Variants in SIK3 observed in about 807,000 individuals in gnomAD.
The protein encoded by SIK3 is serine/threonine-protein kinase SIK3.
Under a neutral mutation model 144.2 loss-of-function variants are expected in SIK3, and 28 were observed. That is an observed-to-expected ratio of 0.19 (90% CI 0.14 to 0.27). The LOEUF is 0.27. SIK3 is among the 10% of genes least tolerant of loss of function. The probability of loss-of-function intolerance (pLI) is 1.00; values close to 1 mark genes in which losing one functional copy is unlikely to be tolerated. For missense variants in SIK3, 1,319 were observed against 1,776.0 expected (o/e 0.74, Z 4.62); for synonymous variants, 686 against 676.3 (o/e 1.01, Z -0.22).
chr11:116,927,478 G>T (rs191938623), intron 3 of SIK3, 98 bp from the exon 4 acceptor site: 2 of 1,133,630 alleles, frequency 1.8e-6, no homozygotes, highest in African/African-American at 1.6e-5. Flanking sequence ...TCTCGAGTGA[G>T]TTAAAGAGGC....
chr11:117,089,803 C>A (rs1955165788), intron 1 of SIK3, among the ~76,000 whole-genome samples: 1 of 152,212 alleles, frequency 6.6e-6, no homozygotes, highest in South Asian at 2.1e-4. Context: ...CCCACACAGA[C>A]AAGCTTCAAC....
chr11:116,957,017 C>T lies in SIK3; in HGVS notation c.321G>A (p.Leu107=). ...TTTGAACTTCCCGGAAAATCTTCTT[C>T]AAGTTTTCTTCATCCAGCTGGGTCT... ...IDKTQLDEEN[L]KKIFREVQIM... is the part of the protein sequence containing the mutation. The change falls in exon 2 of 25, where the codon TTG becomes TTA. Residue 107 remains leucine (L), a synonymous_variant. Coordinates refer to ENST00000445177, the MANE Select transcript of SIK3 (RefSeq NM_001366686.3). The T allele has an allele frequency of 6.2e-6, 10 of 1,611,244 alleles. No homozygotes were observed. The highest frequency in any genetic ancestry group is 1.7e-5 in the Admixed American group (1 of 59,094).
chr11:117,030,937 C>G (rs1005491324), intron 1 of SIK3, among the ~76,000 whole-genome samples: 1 of 152,216 alleles, frequency 6.6e-6, no homozygotes, highest in Non-Finnish European at 1.5e-5. Context: ...GGGTTACATG[C>G]CATCTGTATA....
At chr11:116,986,537 T>C (rs1461019688) in intron 1 of SIK3, among the ~76,000 whole-genome samples, 1 of 152,222 alleles carries the variant, frequency 6.6e-6, no homozygotes, top group Non-Finnish European at 1.5e-5. Context: ...GACTTAGCTT[T>C]GAGCTTAACA....
chr11:116,937,067 C>T (rs1947957683), intron 3 of SIK3, among the ~76,000 whole-genome samples: 1 of 152,206 alleles, frequency 6.6e-6, no homozygotes, highest in Non-Finnish European at 1.5e-5. Flanking sequence ...GCCTCTATGA[C>T]ATCAGCAAAC....
At chr11:116,967,132 T>A (rs1949586961) in intron 1 of SIK3, among the ~76,000 whole-genome samples, 1 of 152,054 alleles carries the variant, frequency 6.6e-6, no homozygotes, top group South Asian at 2.1e-4. Context: ...AAAAGCTGAA[T>A]AAATTTTAAG....
chr11:117,004,635 A>T (rs1469899762), intron 1 of SIK3, among the ~76,000 whole-genome samples: 1 of 152,240 alleles, frequency 6.6e-6, no homozygotes, highest in African/African-American at 2.4e-5. Flanking sequence ...AGGAAATAAC[A>T]TAGAGGCACT....
At chr11:116,979,611 C>T (rs2135505384) in intron 1 of SIK3, among the ~76,000 whole-genome samples, 1 of 152,210 alleles carries the variant, frequency 6.6e-6, no homozygotes, top group South Asian at 2.1e-4. Flanking sequence ...CTGTGGGAGG[C>T]CAAGGTGGGC....
chr11:116,858,039 G>A lies in SIK3; in HGVS notation c.3426C>T (p.Ser1142=), dbSNP rs1366019063. The A allele has an allele frequency of 1.2e-6, 2 of 1,613,714 alleles. No homozygotes were observed. Among genetic ancestry groups the A allele is most frequent in the African/African-American group, 2.7e-5 (2 of 74,936 alleles). The change falls in exon 21 of 25, where the codon AGC becomes AGT. Residue 1142 remains serine (S), a synonymous_variant. Transcript: ENST00000445177. This position sits in a 1 kb window ranked among gnomAD's most constrained non-coding sequence, Gnocchi z 5.4. ...AHQPALMHSE[S]MEEDCSCEGA... The stretch of plus-strand genomic sequence containing the variant: ...CCTCACACGAGCAGTCCTCCTCCAT[G>A]CTCTCTGAATGCATCAGTGCCGGCT...
At chr11:117,059,473 T>C (rs1479003914) in intron 1 of SIK3, among the ~76,000 whole-genome samples, 2 of 152,198 alleles carry the variant, frequency 1.3e-5, no homozygotes, top group Non-Finnish European at 1.5e-5. Context: ...CAAAAGCTCT[T>C]AGAGAGACAA....
chr11:117,089,434 T>C (rs1010106040), intron 1 of SIK3, among the ~76,000 whole-genome samples: 6 of 151,114 alleles, frequency 4.0e-5, no homozygotes, highest in Admixed American at 1.3e-4. Flanking sequence ...ACTAAGAAAC[T>C]GTGTGACTCA....
At chr11:116,999,108 A>T (rs1950767270) in intron 1 of SIK3, among the ~76,000 whole-genome samples, 1 of 152,234 alleles carries the variant, frequency 6.6e-6, no homozygotes, top group Admixed American at 6.5e-5. Context: ...TGTATGAAAA[A>T]TATAGTTTCA....
In SIK3 at chr11:116,947,543, G is replaced by A. The variant is rs1480213154; in HGVS notation, c.454+6501C>T. On this transcript the variant is annotated intron_variant, in intron 3 of 24. Coordinates refer to ENST00000445177, the MANE Select transcript of SIK3 (RefSeq NM_001366686.3). Reference sequence around the variant, plus strand: ...AATATATATATATATATGTATGTATGTATGTATGTATGTATGTATGTATGT... The same window carrying A: ...AATATATATATATATATGTATGTATATATGTATGTATGTATGTATGTATGT... Among the ~76,000 whole-genome samples, 12 of 71,576 alleles carry A rather than the reference G, an allele frequency of 1.7e-4. No homozygotes were observed. In the South Asian group the frequency reaches 3.8e-3, roughly 23 times the overall value. The allele number at this position is 71,576 out of a possible 152,430, so 47.0% of individuals were successfully genotyped here. A position where few individuals can be genotyped will look rare whatever the true frequency, so the allele number is the denominator to read the frequency against.
chr11:116,886,617 T>G (rs991059239), intron 6 of SIK3, among the ~76,000 whole-genome samples: 1 of 152,184 alleles, frequency 6.6e-6, no homozygotes, highest in Non-Finnish European at 1.5e-5. Flanking sequence ...CCACAAGAGA[T>G]CTCTATGCCT....
chr11:116,902,707 G>A (rs1346542265), intron 4 of SIK3, among the ~76,000 whole-genome samples: 1 of 152,172 alleles, frequency 6.6e-6, no homozygotes, highest in East Asian at 1.9e-4. Flanking sequence ...TCAGAAACCT[G>A]TCGAGAGGTC....
intron 1 of SIK3, among the ~76,000 whole-genome samples, chr11:117,081,174 T>C (rs763222820): frequency 1.3e-5 from 2 of 152,006 alleles, no homozygotes; most frequent in Non-Finnish European, 2.9e-5. Context: ...ATTTTTACCA[T>C]GTGAATGGGG....
chr11:116,934,899 G>A (rs1300762155), intron 3 of SIK3, among the ~76,000 whole-genome samples: 2 of 152,140 alleles, frequency 1.3e-5, no homozygotes, highest in African/African-American at 2.4e-5. Context: ...GGCCAACATG[G>A]TGAAACCTCA....
chr11:116,997,812 G>T (rs1950718694), intron 1 of SIK3, among the ~76,000 whole-genome samples: 1 of 152,102 alleles, frequency 6.6e-6, no homozygotes, highest in African/African-American at 2.4e-5. Context: ...GTCAAGAAGG[G>T]GACAAAAACG....
intron 1 of SIK3, among the ~76,000 whole-genome samples, chr11:117,072,385 C>CA (rs1954320824): frequency 1.3e-5 from 2 of 150,962 alleles, no homozygotes. Context: ...AACTCCGTCT[C>CA]AAAAAAAATA....
Sources: allele counts gnomAD v4.1 joint callset (sites outside exome capture counted in the v4.1 genomes callset), GRCh38; gene constraint gnomAD v4.1.1; non-coding constraint Gnocchi (gnomAD v3.1); transcripts MANE v1.5; gene names NCBI Gene and HGNC (gene_info 2026-07-23, HGNC 2026-07-21).